BCLAF1: variants seen among roughly 807,000 people sequenced by gnomAD.
BCLAF1 encodes bcl-2-associated transcription factor 1.
BCLAF1 carries 10 observed loss-of-function variants against 99.5 expected under a neutral mutation model. The ratio of observed to expected loss-of-function variants is 0.10; its 90% CI spans 0.06 to 0.17. BCLAF1 has a LOEUF of 0.17. Ranked by LOEUF, BCLAF1 falls within the 10% of genes least tolerant of loss-of-function variation. The pLI is 1.00. For missense variants in BCLAF1, 636 were observed against 1,105.8 expected (o/e 0.58, Z 6.02); for synonymous variants, 255 against 370.9 (o/e 0.69, Z 3.59).
Position 136,263,382 on chromosome 6 carries a change from C to T in BCLAF1, c.2545-1905G>A, listed in dbSNP as rs572208394. Among the ~76,000 whole-genome samples, 4 of 152,280 alleles carry T rather than the reference C, an allele frequency of 2.6e-5. No homozygotes were observed. The East Asian group carries it at 5.8e-4, about 22-fold the overall frequency. On this transcript the variant is annotated intron_variant, in intron 11 of 12. Coordinates refer to ENST00000531224, the MANE Select transcript of BCLAF1 (RefSeq NM_014739.3). ...GCTTTTAATATACAATCATCTGAAA[C>T]TTGGTAAACACAACAGCACCTAAAC...
At chr6:136,266,115 TATA>T (rs1203698303) in intron 11 of BCLAF1, among the ~76,000 whole-genome samples, 1 of 152,040 alleles carries the variant, frequency 6.6e-6, no homozygotes, top group African/African-American at 2.4e-5. Context: ...TTGAAACATA[TATA>T]GTTTTTCCAG....
rs1183760238 is a variant in BCLAF1, at chr6:136,260,289, T to G, written c.*821A>C. ...TTCTGTTTAAAACTAGGATGTTCAG[T>G]AGAAATGGGGTTTCTATTTGCAGTA... On this transcript the variant is annotated 3_prime_UTR_variant, in exon 13 of 13. Transcript: ENST00000531224. 1 of 152,016 alleles carries G rather than the reference T, an allele frequency of 6.6e-6. No homozygotes were observed. Among genetic ancestry groups the G allele is most frequent in the African/African-American group, 2.4e-5 (1 of 41,426 alleles). 9.4% of individuals were successfully genotyped at this position (152,016 alleles called of 1,614,324 possible). A position where few individuals can be genotyped will look rare whatever the true frequency, so the allele number is the denominator to read the frequency against.
In BCLAF1 at chr6:136,278,216, C is replaced by G. The variant is rs774709200; in HGVS notation, c.665G>C (p.Ser222Thr). ...IWPGLSAYDN[S>T]PRSPHSPSPI... ...TGAAGGACTATGGGGTGATCTAGGA[C>G]TATTATCATAAGCTGAAAGGCCAGG... is the stretch of plus-strand genomic sequence containing the variant. Residue 222 changes from serine (S) to threonine (T), a missense_variant, in exon 4 of 13, where the codon AGT (serine) becomes ACT (threonine). By Grantham distance (58) the Ser-to-Thr change is moderately conservative (BLOSUM62 1). Around this residue, in one of 9 missense-constraint regions of BCLAF1, gnomAD observed 65 missense variants for 90.9 expected, o/e 0.71. Transcript: ENST00000531224. 1.9e-6 allele frequency: 3 copies of G among 1,614,062 alleles called. No individual in the cohort carries two copies. Among genetic ancestry groups the G allele is most frequent in the Non-Finnish European group, 2.5e-6 (3 of 1,180,022 alleles).
intron 6 of BCLAF1, 134 bp from the exon 7 acceptor site, chr6:136,273,321 A>AAG: frequency 1.4e-6 from 1 of 730,104 alleles, no homozygotes; most frequent in East Asian, 2.7e-5. Flanking sequence ...CAAGTGTTAC[A>AAG]AGGAACTCCT....
intron 1 of BCLAF1, among the ~76,000 whole-genome samples, chr6:136,282,964 T>TGTC (rs577619140): frequency 6.3e-4 from 96 of 152,178 alleles, no homozygotes; most frequent in African/African-American, 2.2e-3. Context: ...AAACATATGA[T>TGTC]ATGTCGTTCC....
At position 136,259,066 on chromosome 6, in the gene BCLAF1, C is replaced by T. The variant is rs1780666551; in HGVS notation, c.*2044G>A. ...TTAAGATGTGTTTTTAAAAAATATA[C>T]AGGCTTTTTATATGCTTGGATCTGA... On this transcript the variant is annotated 3_prime_UTR_variant, in exon 13 of 13. Coordinates refer to ENST00000531224, the MANE Select transcript of BCLAF1 (RefSeq NM_014739.3). 6.6e-6 allele frequency: 1 copy of T among 152,060 alleles called. No homozygotes were observed. The highest frequency in any genetic ancestry group is 1.5e-5 in the Non-Finnish European group (1 of 67,860). 9.4% of individuals were successfully genotyped at this position (152,060 alleles called of 1,614,324 possible). A position where few individuals can be genotyped will look rare whatever the true frequency, so the allele number is the denominator to read the frequency against.
At chr6:136,271,968 G>T in intron 8 of BCLAF1, 27 bp downstream of exon 8, 1 of 1,528,070 alleles carries the variant, frequency 6.5e-7, no homozygotes, top group Non-Finnish European at 9.0e-7. Flanking sequence ...AACTTAACAC[G>T]AAAAAAAATT....
At chr6:136,263,421 C>T (rs1479756169) in intron 11 of BCLAF1, among the ~76,000 whole-genome samples, 1 of 152,102 alleles carries the variant, frequency 6.6e-6, no homozygotes, top group African/African-American at 2.4e-5. Flanking sequence ...TAAACTGTGC[C>T]TTTCGTAGGG....
intron 11 of BCLAF1, among the ~76,000 whole-genome samples, chr6:136,265,677 T>C (rs1006368445): frequency 2.0e-5 from 3 of 152,174 alleles, no homozygotes; most frequent in East Asian, 3.8e-4. Context: ...TGCAGTACAC[T>C]TGCCTACCTC....
At chr6:136,280,719 T>C (rs1784274970) in intron 2 of BCLAF1, among the ~76,000 whole-genome samples, 1 of 152,208 alleles carries the variant, frequency 6.6e-6, no homozygotes. Context: ...AACTAATTGA[T>C]TTATAAGATC....
chr6:136,286,403 TG>T (rs1198960251), intron 1 of BCLAF1, among the ~76,000 whole-genome samples: 1 of 152,170 alleles, frequency 6.6e-6, no homozygotes, highest in Non-Finnish European at 1.5e-5. Flanking sequence ...ATTCTGCAGG[TG>T]TTTTTTTGTT....
At chr6:136,264,564 T>C (rs774804008) in intron 11 of BCLAF1, among the ~76,000 whole-genome samples, 4 of 152,208 alleles carry the variant, frequency 2.6e-5, no homozygotes, top group Non-Finnish European at 5.9e-5. Context: ...AACTGGTTAA[T>C]TGTTCTGAAA....
At chr6:136,264,951 G>A (rs1201235036) in intron 11 of BCLAF1, among the ~76,000 whole-genome samples, 1 of 152,158 alleles carries the variant, frequency 6.6e-6, no homozygotes, top group African/African-American at 2.4e-5. Context: ...TGAAACTACT[G>A]CCTAAGTAAA....
rs61754127 is a variant in BCLAF1 at position 136,275,697 on chromosome 6, C to G, written c.1687G>C (p.Ala563Pro). 47 of 1,583,738 alleles carry G rather than the reference C, an allele frequency of 3.0e-5. No individual in the cohort carries two copies. Among genetic ancestry groups the G allele is most frequent in the Non-Finnish European group, 3.9e-5 (45 of 1,167,940 alleles). The change falls in exon 6 of 13, where the codon GCT (alanine) becomes CCT (proline). Residue 563 changes from alanine to proline, a missense_variant. By Grantham distance (27) the Ala-to-Pro change is conservative. Around this residue, in one of 9 missense-constraint regions of BCLAF1, gnomAD observed 20 missense variants for 66.2 expected, o/e 0.30. Transcript: ENST00000531224. ...PVPLDDSNRPASLTKDRLLAS... is the reference protein window; with the variant it reads ...PVPLDDSNRPPSLTKDRLLAS... ...AGCAGCCTGTCTTTAGTCAAGGAAG[C>G]AGGTCTGGAACATATTGATAACACA...
intron 1 of BCLAF1, among the ~76,000 whole-genome samples, chr6:136,283,157 C>A (rs1784601838): frequency 9.2e-6 from 1 of 108,662 alleles, no homozygotes. Context: ...CTAGCCTTGG[C>A]AACACAGCAC....
rs1033002462 is a variant in BCLAF1, at chr6:136,258,545, T to G, written c.*2565A>C. On this transcript the variant is annotated 3_prime_UTR_variant, in exon 13 of 13. Transcript: ENST00000531224. The stretch of plus-strand genomic sequence containing the variant: ...GATATTCTAAAATAGGCCACAGAAA[T>G]AAGATGTGTGAAATAGACACAGGTA... 6.6e-6 allele frequency: 1 copy of G among 152,452 alleles called. No individual in the cohort carries two copies. Among genetic ancestry groups the G allele is most frequent in the Non-Finnish European group, 1.5e-5 (1 of 67,910 alleles). 9.4% of individuals were successfully genotyped at this position (152,452 alleles called of 1,614,324 possible).
chr6:136,267,967 G>C (rs1368456736), intron 10 of BCLAF1, among the ~76,000 whole-genome samples, 195 bp downstream of exon 10: 1 of 151,916 alleles, frequency 6.6e-6, no homozygotes, highest in East Asian at 1.9e-4. Context: ...AGTTTATACA[G>C]ATGCTTCTAG....
At chr6:136,277,843 G>C (rs1261370584) in intron 4 of BCLAF1, 22 bp downstream of exon 4, 1 of 1,596,672 alleles carries the variant, frequency 6.3e-7, no homozygotes, top group Non-Finnish European at 8.5e-7. Context: ...TTATAATCTA[G>C]ATTCTGTATT....
chr6:136,268,351 A>T lies in BCLAF1; in HGVS notation c.2220-12T>A. On this transcript the variant is annotated splice_polypyrimidine_tract_variant and intron_variant, in intron 9 of 12. Transcript: ENST00000531224. ...CTCTTTTATGTTTACTGCAAAATAAAGAAAACAAAAAATGTGATACTTTTA... is the reference window on the plus strand; with the variant it reads ...CTCTTTTATGTTTACTGCAAAATAATGAAAACAAAAAATGTGATACTTTTA... 1 of 1,582,518 alleles carries T rather than the reference A, an allele frequency of 6.3e-7. No homozygotes were observed.
Sources: gnomAD v4.1 joint callset for allele counts (sites outside exome capture counted in the v4.1 genomes callset) on GRCh38, gnomAD v4.1.1 for gene constraint, gnomAD v4.1.1 regional missense constraint, MANE v1.5 for transcripts, NCBI Gene and HGNC (gene_info 2026-07-23, HGNC 2026-07-21) for gene names.